PI4KA: variants seen among roughly 807,000 people sequenced by gnomAD.
The protein encoded by PI4KA is phosphatidylinositol 4-kinase alpha.
Under a neutral mutation model 271.4 loss-of-function variants are expected in PI4KA, and 122 were observed. That is an observed-to-expected ratio of 0.45 (90% confidence interval 0.39 to 0.52). The LOEUF is 0.52. Ranked by LOEUF, PI4KA falls within the 20% of genes least tolerant of loss-of-function variation. PI4KA has a pLI of 0.00. For synonymous variants in PI4KA, 1,041 were observed against 1,078.8 expected, an observed-to-expected ratio of 0.96 and a Z score of 0.69; for missense variants, 1,969 against 2,769.1, an observed-to-expected ratio of 0.71 and a Z score of 6.48.
chr22:20,763,123 G>A (rs1340811679), intron 22 of PI4KA, among the ~76,000 whole-genome samples: 1 of 150,040 alleles, frequency 6.7e-6, no homozygotes, highest in Admixed American at 6.7e-5. Flanking sequence ...TTAGCCATTT[G>A]TTTTTTTGAG....
At chr22:20,813,959 T>C (rs1305436580) in intron 7 of PI4KA, among the ~76,000 whole-genome samples, 1 of 152,068 alleles carries the variant, frequency 6.6e-6, no homozygotes, top group Non-Finnish European at 1.5e-5. Flanking sequence ...TCGCCACACC[T>C]AGGTAATTTT....
chr22:20,799,033 G>C, intron 16 of PI4KA, 60 bp downstream of exon 16: 1 of 1,384,636 alleles, frequency 7.2e-7, no homozygotes, highest in Non-Finnish European at 1.0e-6. Flanking sequence ...ATCCCTTATA[G>C]TCAAGAGTTT....
chr22:20,801,834 C>T (rs561842645), intron 14 of PI4KA, 139 bp downstream of exon 14: 3 of 889,366 alleles, frequency 3.4e-6, no homozygotes, highest in African/African-American at 1.7e-5. Flanking sequence ...AGCAGTGAGC[C>T]GAGATTGTGC....
At chr22:20,712,183 G>C (rs1925377584) in intron 50 of PI4KA, among the ~76,000 whole-genome samples, 1 of 151,928 alleles carries the variant, frequency 6.6e-6, no homozygotes, top group African/African-American at 2.4e-5. Context: ...TCAGCCTCCT[G>C]AGTAGCTGGG....
intron 36 of PI4KA, among the ~76,000 whole-genome samples, chr22:20,731,947 A>T (rs1041563663): frequency 1.4e-5 from 2 of 146,610 alleles, no homozygotes; most frequent in African/African-American, 2.5e-5. Flanking sequence ...AAAATAAAAA[A>T]AAAAGTCTGG....
At chr22:20,787,591 A>G (rs1390642821) in intron 19 of PI4KA, 1 of 179,942 alleles carries the variant, frequency 5.6e-6, no homozygotes, top group African/African-American at 2.4e-5. Flanking sequence ...TAATTTTCTC[A>G]AAGCCTGACC....
Position 20,824,432 on chromosome 22 carries a change from A to G in PI4KA, c.368-18T>C, listed in dbSNP as rs755792395. 1.5e-5 allele frequency: 24 copies of G among 1,570,632 alleles called. No homozygotes were observed. In the Admixed American group the frequency reaches 3.9e-4, roughly 26 times the overall value. On this transcript the variant is annotated intron_variant, in intron 3 of 54. Transcript: ENST00000255882. ...GAGGGCACCTGGAAGATGTAAAAAC[A>G]TAAATCAGATAACCAGGAACCAGAT... is the stretch of plus-strand genomic sequence containing the variant.
chr22:20,805,101 CT>C lies in PI4KA; in HGVS notation c.1232del (p.Gln411ArgfsTer18), dbSNP rs1935567736. 2 of 1,614,062 alleles carry C rather than the reference CT, an allele frequency of 1.2e-6. No homozygotes were observed. Among genetic ancestry groups the C allele is most frequent in the Admixed American group, 1.7e-5 (1 of 60,002 alleles). ...CATGTAGAATCTTCTGGAGCTCCCCCTGGCTCGTGTTGAACTGCTCCAGCAC... is the reference window on the plus strand; with the variant it reads ...CATGTAGAATCTTCTGGAGCTCCCCCGGCTCGTGTTGAACTGCTCCAGCAC... ...DFVLEQFNTS[Q>X]GELQKILHDA... On this transcript the variant is annotated frameshift_variant, in exon 11 of 55. Coordinates refer to ENST00000255882, the MANE Select transcript of PI4KA (RefSeq NM_058004.4). LOFTEE classifies it high-confidence loss of function.
intron 19 of PI4KA, among the ~76,000 whole-genome samples, chr22:20,791,732 T>C (rs910748821): frequency 1.3e-5 from 2 of 152,044 alleles, no homozygotes; most frequent in African/African-American, 2.4e-5. Flanking sequence ...CACTCCAATC[T>C]AGGTGCCAGA....
chr22:20,729,794 G>A (rs1431978176), intron 37 of PI4KA, 83 bp from the exon 38 acceptor site: 2 of 1,583,012 alleles, frequency 1.3e-6, no homozygotes, highest in Non-Finnish European at 1.7e-6. Flanking sequence ...GAAGCTTGCA[G>A]TGCTCTGTTC....
intron 1 of PI4KA, among the ~76,000 whole-genome samples, chr22:20,853,775 G>C (rs1305620417): frequency 6.6e-6 from 1 of 152,012 alleles, no homozygotes; most frequent in African/African-American, 2.4e-5. Flanking sequence ...TGAAATATGA[G>C]AGTAGAATGG....
chr22:20,834,695 A>G, intron 2 of PI4KA, 40 bp from the exon 3 acceptor site: 1 of 1,335,318 alleles, frequency 7.5e-7, no homozygotes, highest in South Asian at 1.2e-5. Context: ...AGATTTAATA[A>G]AATAAGTGAT....
intron 43 of PI4KA, among the ~76,000 whole-genome samples, chr22:20,719,394 T>C (rs1471822015): frequency 1.3e-5 from 2 of 151,918 alleles, no homozygotes; most frequent in African/African-American, 2.4e-5. Flanking sequence ...CTACAGCTAG[T>C]AGGTGGGACT....
chr22:20,710,922 C>T, intron 51 of PI4KA, 64 bp from the exon 52 acceptor site: 3 of 1,590,856 alleles, frequency 1.9e-6, no homozygotes, highest in Non-Finnish European at 2.6e-6. Flanking sequence ...GACAAGTGGT[C>T]TGTTTTGAGG....
intron 21 of PI4KA, 34 bp downstream of exon 21, chr22:20,765,066 G>C: frequency 6.3e-7 from 1 of 1,598,944 alleles, no homozygotes; most frequent in East Asian, 2.2e-5. Flanking sequence ...AATTGGCACA[G>C]AGAGCATGGT....
intron 3 of PI4KA, among the ~76,000 whole-genome samples, chr22:20,833,448 T>C (rs896428827): frequency 6.6e-6 from 1 of 152,140 alleles, no homozygotes; most frequent in Non-Finnish European, 1.5e-5. Context: ...TATGTGGGCA[T>C]TGGCAGTAGC....
intron 1 of PI4KA, among the ~76,000 whole-genome samples, chr22:20,846,499 G>A (rs1173898533): frequency 6.6e-6 from 1 of 152,018 alleles, no homozygotes; most frequent in Non-Finnish European, 1.5e-5. Context: ...AACACACAGT[G>A]GGGGGAACAA....
intron 44 of PI4KA, 47 bp downstream of exon 44, chr22:20,718,646 G>C: frequency 6.2e-7 from 1 of 1,601,242 alleles, no homozygotes; most frequent in South Asian, 1.1e-5. Flanking sequence ...AAGCTGCAGG[G>C]ACTGGAAGGA....
At chr22:20,777,376 C>T (rs563628837) in intron 19 of PI4KA, among the ~76,000 whole-genome samples, 14 of 152,068 alleles carry the variant, frequency 9.2e-5, no homozygotes, top group South Asian at 2.1e-4. Flanking sequence ...GCCACCACGC[C>T]GGCTAATTTT....
Sources: gnomAD v4.1 joint callset for allele counts (sites outside exome capture counted in the v4.1 genomes callset) on GRCh38, gnomAD v4.1.1 for gene constraint, MANE v1.5 for transcripts, NCBI Gene and HGNC (gene_info 2026-07-23, HGNC 2026-07-21) for gene names.